HOMER2: variants seen among roughly 807,000 people sequenced by gnomAD.
HOMER2 encodes the protein homer protein homolog 2.
In HOMER2, 27 loss-of-function variants were observed where a neutral mutation model predicts 47.0. That is an observed-to-expected ratio of 0.57 (90% CI 0.42 to 0.79). HOMER2 has a LOEUF of 0.79. HOMER2 is among the 30% of genes least tolerant of loss of function. The pLI, the probability that HOMER2 is intolerant of heterozygous loss-of-function variation, is 0.00. For missense variants in HOMER2, 443 were observed against 435.0 expected (o/e 1.02, Z -0.16); for synonymous variants, 161 against 163.8 (o/e 0.98, Z 0.13).
chr15:82,968,084 T>A (rs2054691957), intron 1 of HOMER2, among the ~76,000 whole-genome samples: 1 of 152,236 alleles, frequency 6.6e-6, no homozygotes, highest in Non-Finnish European at 1.5e-5. Flanking sequence ...TTCTTTTTTG[T>A]AGAGGTAGAG....
At chr15:82,919,512 C>T (rs991297626) in intron 1 of HOMER2, among the ~76,000 whole-genome samples, 5 of 152,168 alleles carry the variant, frequency 3.3e-5, no homozygotes, top group African/African-American at 1.2e-4. Context: ...GTATAATAAT[C>T]CAATTATCCA....
At chr15:82,852,831 CCT>C (rs2051442312) in intron 6 of HOMER2, 1 of 152,606 alleles carries the variant, frequency 6.6e-6, no homozygotes, top group African/African-American at 2.4e-5. Context: ...GGCCTGTGGG[CCT>C]CTTCCCCAAG....
chr15:82,971,138 G>T (rs1192298380), intron 1 of HOMER2, among the ~76,000 whole-genome samples: 1 of 152,170 alleles, frequency 6.6e-6, no homozygotes, highest in African/African-American at 2.4e-5. Context: ...TCATGAGCTT[G>T]GTTAACGTAA....
intron 2 of HOMER2, among the ~76,000 whole-genome samples, chr15:82,877,103 G>A (rs1596318964): frequency 1.3e-5 from 2 of 152,086 alleles, no homozygotes; most frequent in Admixed American, 6.6e-5. Flanking sequence ...ACCTTACAAC[G>A]AGCCTATGCA....
At chr15:82,898,772 AAG>A (rs546856239) in intron 1 of HOMER2, among the ~76,000 whole-genome samples, 10 of 152,354 alleles carry the variant, frequency 6.6e-5, no homozygotes, top group East Asian at 3.9e-4. Context: ...GCAAAGAAAC[AAG>A]AGAGAGAGAA....
At chr15:82,961,339 G>T (rs887082260) in intron 1 of HOMER2, among the ~76,000 whole-genome samples, 1 of 152,208 alleles carries the variant, frequency 6.6e-6, no homozygotes, top group Admixed American at 6.5e-5. Flanking sequence ...GCGCAGGTTG[G>T]GGGGTACTAT....
chr15:82,902,015 G>T (rs2053135053), intron 1 of HOMER2, among the ~76,000 whole-genome samples: 1 of 152,110 alleles, frequency 6.6e-6, no homozygotes, highest in Non-Finnish European at 1.5e-5. Flanking sequence ...TCTATAGAAG[G>T]AATCTTGTCT....
At chr15:82,932,588 C>T (rs1050177955) in intron 1 of HOMER2, among the ~76,000 whole-genome samples, 14 of 152,034 alleles carry the variant, frequency 9.2e-5, no homozygotes, top group African/African-American at 3.4e-4. Flanking sequence ...ACAGTATTCT[C>T]ACACCACAGA....
chr15:82,928,370 A>T (rs764630639), intron 1 of HOMER2, among the ~76,000 whole-genome samples: 1 of 152,228 alleles, frequency 6.6e-6, no homozygotes. Context: ...ATTTAATTGC[A>T]TGGATGTAGG....
intron 1 of HOMER2, among the ~76,000 whole-genome samples, chr15:82,927,542 C>T (rs1471638366): frequency 3.3e-5 from 5 of 152,164 alleles, no homozygotes; most frequent in Non-Finnish European, 7.3e-5. Flanking sequence ...TTTTATATTC[C>T]ATAATTGAGT....
chr15:82,858,730 G>A (rs1436845502), intron 5 of HOMER2, among the ~76,000 whole-genome samples: 1 of 151,776 alleles, frequency 6.6e-6, no homozygotes, highest in African/African-American at 2.4e-5. Context: ...CACACACTCT[G>A]ACACTACCAC....
chr15:82,951,348 C>T (rs941658774), intron 1 of HOMER2, among the ~76,000 whole-genome samples: 1 of 152,202 alleles, frequency 6.6e-6, no homozygotes, highest in Non-Finnish European at 1.5e-5. Flanking sequence ...CTGATCCCCT[C>T]ACACACTCTG....
In HOMER2 at chr15:82,849,076, G is replaced by A. The variant is rs146939144; in HGVS notation, c.*639C>T. 4.2e-3 allele frequency: 625 copies of A among 147,884 alleles called. 1 individual carries two copies. Among genetic ancestry groups the A allele is most frequent in the Non-Finnish European group, 6.9e-3 (465 of 67,088 alleles). 9.2% of individuals were successfully genotyped at this position (147,884 alleles called of 1,614,324 possible). On this transcript the variant is annotated 3_prime_UTR_variant, in exon 9 of 9. Coordinates refer to ENST00000450735, the MANE Select transcript of HOMER2 (RefSeq NM_004839.4). Reference sequence around the variant, plus strand: ...TGCTGTTCCCACAGCACAATCATCTGCTCAGAAATTAAAACCAAGAAAAGG... The same window carrying A: ...TGCTGTTCCCACAGCACAATCATCTACTCAGAAATTAAAACCAAGAAAAGG...
chr15:82,869,935 C>G (rs1238915116), intron 3 of HOMER2, among the ~76,000 whole-genome samples: 2 of 152,110 alleles, frequency 1.3e-5, no homozygotes, highest in Non-Finnish European at 2.9e-5. Context: ...AGATTCTTGT[C>G]AATGAAATCC....
chr15:82,942,632 A>G (rs1285234494), intron 1 of HOMER2, among the ~76,000 whole-genome samples: 3 of 152,222 alleles, frequency 2.0e-5, no homozygotes, highest in African/African-American at 7.2e-5. Context: ...CAAATAATCA[A>G]TGAGGAGCTC....
At chr15:82,875,816 T>A (rs2052331452) in intron 2 of HOMER2, among the ~76,000 whole-genome samples, 1 of 152,228 alleles carries the variant, frequency 6.6e-6, no homozygotes, top group East Asian at 1.9e-4. Context: ...GGAGCCCCAG[T>A]GTCCAACTCA....
chr15:82,857,592 G>C (rs1213006973), intron 5 of HOMER2, among the ~76,000 whole-genome samples: 1 of 151,802 alleles, frequency 6.6e-6, no homozygotes, highest in Non-Finnish European at 1.5e-5. Flanking sequence ...CACCGTGCCC[G>C]GCCAATTTTT....
chr15:82,927,973 C>CAAAAAAAAAA (rs928406358), intron 1 of HOMER2, among the ~76,000 whole-genome samples: 30 of 57,338 alleles, frequency 5.2e-4, no homozygotes, highest in African/African-American at 1.4e-3. Flanking sequence ...AACTCCGTCT[C>CAAAAAAAAAA]AAAAAAAAAA....
At chr15:82,934,670 G>A (rs2054100769) in intron 1 of HOMER2, among the ~76,000 whole-genome samples, 1 of 152,026 alleles carries the variant, frequency 6.6e-6, no homozygotes, top group Admixed American at 6.6e-5. Context: ...CCCCCTGCCT[G>A]GCCGAACCCC....
Sources: gnomAD v4.1 joint callset for allele counts (sites outside exome capture counted in the v4.1 genomes callset) on GRCh38, gnomAD v4.1.1 for gene constraint, MANE v1.5 for transcripts, NCBI Gene and HGNC (gene_info 2026-07-23, HGNC 2026-07-21) for gene names.